LIMS1: variants seen among roughly 807,000 people sequenced by gnomAD.
LIMS1 encodes the protein LIM zinc finger domain containing 1, also known as LIM and senescent cell antigen-like-containing domain protein 1.
In LIMS1, 18 loss-of-function variants were observed where a neutral mutation model predicts 44.1. The ratio of observed to expected loss-of-function variants is 0.41; its 90% confidence interval spans 0.28 to 0.61. The LOEUF is 0.61. LIMS1 is among the 20% of genes least tolerant of loss of function. LIMS1 has a pLI of 0.32. For missense variants in LIMS1, 201 were observed against 422.0 expected (o/e 0.48, Z 4.59); for synonymous variants, 93 against 149.1 (o/e 0.62, Z 2.74).
chr2:108,567,633 G>T (rs148689279), intron 1 of LIMS1, among the ~76,000 whole-genome samples: 1 of 152,058 alleles, frequency 6.6e-6, no homozygotes, highest in South Asian at 2.1e-4. Context: ...GTGCAATGTC[G>T]TGATCTTGGC....
chr2:108,655,031 C>T, intron 1 of LIMS1: 1 of 1,611,856 alleles, frequency 6.2e-7, no homozygotes, highest in Non-Finnish European at 8.5e-7. Context: ...GGCTCTGTGT[C>T]CTGCCATTCT....
chr2:108,621,512 G>A, intron 1 of LIMS1: 2 of 1,305,762 alleles, frequency 1.5e-6, no homozygotes, highest in Non-Finnish European at 2.2e-6. Context: ...AATCTAGTAA[G>A]TGCAGTGGGG....
At chr2:108,612,681 C>T in intron 1 of LIMS1, among the ~76,000 whole-genome samples, 1 of 152,070 alleles carries the variant, frequency 6.6e-6, no homozygotes, top group East Asian at 1.9e-4. Flanking sequence ...GGGGACTGCA[C>T]CTGAGCACCT....
chr2:108,678,878 C>T (rs995612271), intron 8 of LIMS1, among the ~76,000 whole-genome samples: 1 of 152,180 alleles, frequency 6.6e-6, no homozygotes, highest in African/African-American at 2.4e-5. Context: ...AAACAGCAAG[C>T]TCACCTAAAC....
chr2:108,605,491 T>A (rs548451756), intron 1 of LIMS1, among the ~76,000 whole-genome samples: 9 of 152,370 alleles, frequency 5.9e-5, no homozygotes, highest in East Asian at 1.9e-4. Flanking sequence ...TAAAATTTTT[T>A]AAAATTTTCC....
At chr2:108,572,929 T>G (rs1228592394) in intron 1 of LIMS1, among the ~76,000 whole-genome samples, 1 of 152,188 alleles carries the variant, frequency 6.6e-6, no homozygotes, top group Non-Finnish European at 1.5e-5. Context: ...ACTTGTATTG[T>G]GTGTTAGCTT....
chr2:108,587,293 TGTG>T (rs1558798298), intron 1 of LIMS1, among the ~76,000 whole-genome samples: 1,347 of 90,158 alleles, frequency 0.015, 22 homozygotes, highest in South Asian at 0.051. Flanking sequence ...TTGGGGTTTG[TGTG>T]TGTGTGTGTG....
In LIMS1 at chr2:108,644,529, G is replaced by A. The variant is rs184266823; in HGVS notation, c.33-15076G>A. ...AAAGACCAAAGGTACATAAATCCAC[G>A]AAGATGGGGAGAAACCAGCACAAAA... is the stretch of plus-strand genomic sequence containing the variant. On this transcript the variant is annotated intron_variant, in intron 1 of 9. Transcript: ENST00000544547. Among the ~76,000 whole-genome samples the A allele has an allele frequency of 1.6e-4, 25 of 152,210 alleles. No individual in the cohort carries two copies. In the East Asian group the frequency reaches 2.3e-3, roughly 14 times the overall value.
chr2:108,607,796 A>T (rs1293031978), intron 1 of LIMS1, among the ~76,000 whole-genome samples: 1 of 152,208 alleles, frequency 6.6e-6, no homozygotes, highest in Non-Finnish European at 1.5e-5. Context: ...AATATTGGTT[A>T]TGTATCAAGT....
At chr2:108,663,637 G>A (rs1456915398) in intron 2 of LIMS1, among the ~76,000 whole-genome samples, 1 of 152,066 alleles carries the variant, frequency 6.6e-6, no homozygotes, top group Non-Finnish European at 1.5e-5. Context: ...CTCAGGGCTG[G>A]GTTCTTTGTT....
intron 1 of LIMS1, chr2:108,621,347 A>T: frequency 6.4e-7 from 1 of 1,550,632 alleles, no homozygotes; most frequent in African/African-American, 1.4e-5. Flanking sequence ...TGATGTGTGG[A>T]GAGAAGTATG....
intron 1 of LIMS1, among the ~76,000 whole-genome samples, chr2:108,551,492 CA>C (rs1684701145): frequency 2.2e-5 from 1 of 45,780 alleles, no homozygotes; most frequent in Non-Finnish European, 3.9e-5. Context: ...CGCGCGCGCG[CA>C]CACACACACA....
At chr2:108,562,162 T>C in intron 1 of LIMS1, among the ~76,000 whole-genome samples, 1 of 148,682 alleles carries the variant, frequency 6.7e-6, no homozygotes, top group East Asian at 1.9e-4. Flanking sequence ...CTATACTTAC[T>C]GGCCATTTGC....
chr2:108,679,580 C>T (rs1409862375), intron 8 of LIMS1, among the ~76,000 whole-genome samples: 1 of 152,050 alleles, frequency 6.6e-6, no homozygotes, highest in Non-Finnish European at 1.5e-5. Flanking sequence ...CTCACAGCAT[C>T]CTAGAAACAG....
intron 9 of LIMS1, chr2:108,681,417 A>G (rs996020822): frequency 8.9e-5 from 87 of 974,518 alleles, no homozygotes; most frequent in Non-Finnish European, 1.0e-4. Context: ...CATATAGTAT[A>G]CATTTCTTTC....
chr2:108,635,041 T>C (rs1471256758), intron 1 of LIMS1, among the ~76,000 whole-genome samples: 1 of 152,092 alleles, frequency 6.6e-6, no homozygotes, highest in Non-Finnish European at 1.5e-5. Context: ...GAAAGTGCCA[T>C]GAGGATGGGG....
rs1170282250 is a variant in LIMS1, at chr2:108,642,385, A to T, written c.33-17220A>T. Among the ~76,000 whole-genome samples, 35 of 100,492 alleles carry T rather than the reference A, an allele frequency of 3.5e-4. No homozygotes were observed. The Admixed American group carries it at 5.7e-3, about 16-fold the overall frequency. The allele number at this position is 100,492 out of a possible 152,430, so 65.9% of individuals were successfully genotyped here. A position where few individuals can be genotyped will look rare whatever the true frequency, so the allele number is the denominator to read the frequency against. On this transcript the variant is annotated intron_variant, in intron 1 of 9. Transcript: ENST00000544547. ...TTTTTGTTTTTTTTTTTTGAGACGG[A>T]GTCTCGCTCTGTCGCCCAGGCTGGA...
At chr2:108,585,510 T>C (rs1573375607) in intron 1 of LIMS1, among the ~76,000 whole-genome samples, 1 of 152,216 alleles carries the variant, frequency 6.6e-6, no homozygotes, top group Middle Eastern at 3.4e-3. Flanking sequence ...GACAATTTGA[T>C]GTATGATTGC....
At chr2:108,594,516 G>C (rs1280837222) in intron 1 of LIMS1, among the ~76,000 whole-genome samples, 1 of 152,108 alleles carries the variant, frequency 6.6e-6, no homozygotes, top group Non-Finnish European at 1.5e-5. Flanking sequence ...TGGCCGACAG[G>C]AGATCGTTTG....
Sources: gnomAD v4.1 joint callset for allele counts (sites outside exome capture counted in the v4.1 genomes callset) on GRCh38, gnomAD v4.1.1 for gene constraint, MANE v1.5 for transcripts, NCBI Gene and HGNC (gene_info 2026-07-23, HGNC 2026-07-21) for gene names.